The following MTUS2 variants were observed in gnomAD, a reference collection of about 807,000 sequenced individuals.
MTUS2 encodes microtubule-associated tumor suppressor candidate 2.
A neutral mutation model predicts 114.1 loss-of-function variants in MTUS2; 40 were observed. That is an observed-to-expected ratio of 0.35 (90% confidence interval 0.27 to 0.46). The LOEUF is 0.46. Among genes scored for constraint, MTUS2 ranks in the 20% least tolerant of loss-of-function variants. The pLI, the probability that MTUS2 is intolerant of heterozygous loss-of-function variation, is 1.00. For synonymous variants in MTUS2, 688 were observed against 672.0 expected (o/e 1.02, Z -0.37); for missense variants, 1,679 against 1,705.4 (o/e 0.98, Z 0.27).
At chr13:29,012,737 G>A (rs1885903973) in intron 2 of MTUS2, among the ~76,000 whole-genome samples, 1 of 152,080 alleles carries the variant, frequency 6.6e-6, no homozygotes, top group South Asian at 2.1e-4. Context: ...AGCCGGGCAT[G>A]GTGGTGGGCG....
chr13:28,974,099 C>G (rs1593347503), intron 2 of MTUS2, among the ~76,000 whole-genome samples: 3 of 152,218 alleles, frequency 2.0e-5, no homozygotes, highest in East Asian at 1.9e-4. Flanking sequence ...TATTTTCTGT[C>G]TTTGATGCTT....
At chr13:29,260,684 A>G (rs933102053) in intron 5 of MTUS2, among the ~76,000 whole-genome samples, 4 of 152,256 alleles carry the variant, frequency 2.6e-5, no homozygotes, top group African/African-American at 7.2e-5. Context: ...GGATTTTTTT[A>G]TGCTACCAGT....
At chr13:29,248,611 T>C (rs1414122084) in intron 5 of MTUS2, among the ~76,000 whole-genome samples, 1 of 152,162 alleles carries the variant, frequency 6.6e-6, no homozygotes, top group Non-Finnish European at 1.5e-5. Context: ...ATTAGCTATT[T>C]GCCCTGATAC....
intron 5 of MTUS2, among the ~76,000 whole-genome samples, chr13:29,246,547 A>G (rs916829175): frequency 2.0e-5 from 3 of 152,236 alleles, no homozygotes; most frequent in African/African-American, 7.2e-5. Flanking sequence ...GAGTCACAGG[A>G]AAAACCACAG....
intron 4 of MTUS2, among the ~76,000 whole-genome samples, chr13:29,055,649 C>T (rs975743447): frequency 6.6e-6 from 1 of 152,018 alleles, no homozygotes; most frequent in Non-Finnish European, 1.5e-5. Context: ...AGGAAATGAT[C>T]TCGTTCTTTT....
rs559077433 is a variant in MTUS2, at chr13:28,961,441, TCA to T, written c.-242-63015_-242-63014del. Among the ~76,000 whole-genome samples, 405 of 152,294 alleles carry T rather than the reference TCA, an allele frequency of 2.7e-3. 2 individuals are homozygous for T. Among genetic ancestry groups the T allele is most frequent in the Middle Eastern group, 0.01 (3 of 294 alleles). On this transcript the variant is annotated intron_variant, in intron 2 of 15. Transcript: ENST00000612955. The stretch of plus-strand genomic sequence containing the variant: ...AATTAGAATGACATTGGATTTCTCA[TCA>T]GAAAGTGTGGAGAGCAGAGCAAAGT...
intron 2 of MTUS2, among the ~76,000 whole-genome samples, chr13:28,973,272 C>T (rs1883939155): frequency 6.6e-6 from 1 of 152,174 alleles, no homozygotes; most frequent in Non-Finnish European, 1.5e-5. Context: ...ACACTTCTGA[C>T]AGGTAACTCC....
chr13:29,401,039 G>T (rs1874300190), intron 8 of MTUS2, among the ~76,000 whole-genome samples: 1 of 152,178 alleles, frequency 6.6e-6, no homozygotes, highest in Non-Finnish European at 1.5e-5. Flanking sequence ...CCAGGCTGGA[G>T]TGCAGTGGCA....
Position 29,496,500 on chromosome 13 carries a change from G to A in MTUS2, c.3580-738G>A, listed in dbSNP as rs558010424. 8.5e-5 allele frequency: 13 copies of A among 153,266 alleles called. No homozygotes were observed. Among genetic ancestry groups the A allele is most frequent in the East Asian group, 5.8e-4 (3 of 5,198 alleles). 9.5% of individuals were successfully genotyped at this position (153,266 alleles called of 1,614,324 possible). ...GGCTGCGAGAGGAAAGGGAGGCAGC[G>A]GGGCTGGGAGGATGCTGTGTTAGGG... On this transcript the variant is annotated intron_variant, in intron 12 of 15. Coordinates refer to ENST00000612955, the MANE Select transcript of MTUS2 (RefSeq NM_001033602.4). This position sits in a 1 kb window ranked among gnomAD's most constrained non-coding sequence, Gnocchi z 4.3.
rs147646648 is a variant in MTUS2, at chr13:29,316,826, G to A, written c.2807-7787G>A. On this transcript the variant is annotated intron_variant, in intron 6 of 15. Transcript: ENST00000612955. ...GTCAGGTGAGGTAACATACACAGAAGCAACTGCAACCTGGCATCTGCTGTT... is the reference window on the plus strand; with the variant it reads ...GTCAGGTGAGGTAACATACACAGAAACAACTGCAACCTGGCATCTGCTGTT... 8.2e-4 allele frequency among the ~76,000 whole-genome samples: 125 copies of A among 152,290 alleles called. 1 individual carries two copies. The highest frequency in any genetic ancestry group is 2.4e-3 in the Admixed American group (37 of 15,300).
chr13:29,336,712 C>T (rs1447656686), intron 7 of MTUS2, among the ~76,000 whole-genome samples: 2 of 152,134 alleles, frequency 1.3e-5, no homozygotes, highest in African/African-American at 4.8e-5. Context: ...CAGGAAGGAA[C>T]AACATTTAAG....
chr13:29,041,390 A>G (rs1887349331), intron 4 of MTUS2, among the ~76,000 whole-genome samples: 1 of 152,110 alleles, frequency 6.6e-6, no homozygotes, highest in Non-Finnish European at 1.5e-5. Flanking sequence ...TGATGCCTCC[A>G]GATTTGTTCT....
chr13:29,167,533 C>T (rs1001598583), intron 5 of MTUS2, among the ~76,000 whole-genome samples: 4 of 151,420 alleles, frequency 2.6e-5, no homozygotes, highest in Non-Finnish European at 5.9e-5. Context: ...ACATCTTGAA[C>T]GGCTTCTAAA....
At position 29,504,568 on chromosome 13, in the gene MTUS2, C is replaced by G. The variant is rs1331059595; in HGVS notation, c.*1362C>G. ...TCCCAAACAGAGGAGCCCAGTGAAACAGCCAGCCAGGGGGCACCAGCTCCT... is the reference window on the plus strand; with the variant it reads ...TCCCAAACAGAGGAGCCCAGTGAAAGAGCCAGCCAGGGGGCACCAGCTCCT... On this transcript the variant is annotated 3_prime_UTR_variant, in exon 16 of 16. Transcript: ENST00000612955. 8.6e-6 allele frequency: 2 copies of G among 232,822 alleles called. No homozygotes were observed. The highest frequency in any genetic ancestry group is 1.7e-5 in the Non-Finnish European group (2 of 117,838). 14.4% of individuals were successfully genotyped at this position (232,822 alleles called of 1,614,324 possible). A position where few individuals can be genotyped will look rare whatever the true frequency, so the allele number is the denominator to read the frequency against.
Position 29,026,508 on chromosome 13 carries a change from C to T in MTUS2, c.1810C>T (p.His604Tyr). 1 of 1,613,996 alleles carries T rather than the reference C, an allele frequency of 6.2e-7. No homozygotes were observed. The highest frequency in any genetic ancestry group is 8.5e-7 in the Non-Finnish European group (1 of 1,179,886). Residue 604 changes from histidine (H) to tyrosine (Y), a missense_variant, in exon 3 of 16, where the codon CAT becomes TAT. His to Tyr is a moderately conservative substitution (Grantham distance 83, BLOSUM62 2). Around this residue, in one of 3 missense-constraint regions of MTUS2, gnomAD observed 843 missense variants for 770.8 expected, o/e 1.09. Coordinates refer to ENST00000612955, the MANE Select transcript of MTUS2 (RefSeq NM_001033602.4). ...TGGGATCCCCAAGCCTGTCTTCACA[C>T]ATTCCAAGGACACACCTTCCTCGCA... ...PSGIPKPVFT[H>Y]SKDTPSSQEG...
chr13:29,237,936 GAAAAA>G (rs897894200), intron 5 of MTUS2, among the ~76,000 whole-genome samples: 2 of 151,908 alleles, frequency 1.3e-5, no homozygotes, highest in African/African-American at 4.8e-5. Flanking sequence ...GTAAAAAAAA[GAAAAA>G]AAGAAAAGAA....
chr13:29,415,352 G>A (rs1875589327), intron 8 of MTUS2, among the ~76,000 whole-genome samples: 2 of 152,240 alleles, frequency 1.3e-5, no homozygotes, highest in East Asian at 1.9e-4. Context: ...TGAATCAAGA[G>A]TAGAAAAACT....
chr13:29,343,748 T>G (rs1868389893), intron 7 of MTUS2, among the ~76,000 whole-genome samples: 1 of 152,088 alleles, frequency 6.6e-6, no homozygotes, highest in African/African-American at 2.4e-5. Flanking sequence ...TTAGATTGTC[T>G]GTTTGTCCTC....
At chr13:28,919,070 TG>T (rs1880901398) in intron 2 of MTUS2, among the ~76,000 whole-genome samples, 1 of 152,132 alleles carries the variant, frequency 6.6e-6, no homozygotes, top group African/African-American at 2.4e-5. Flanking sequence ...ATTGGTCCAT[TG>T]TTTAGTCTTT....
Sources: gnomAD v4.1 joint callset for allele counts (sites outside exome capture counted in the v4.1 genomes callset) on GRCh38, gnomAD v4.1.1 for gene constraint, gnomAD v4.1.1 regional missense constraint, Gnocchi (gnomAD v3.1) non-coding constraint, MANE v1.5 for transcripts, NCBI Gene and HGNC (gene_info 2026-07-23, HGNC 2026-07-21) for gene names.